Variants in MAF observed in about 807,000 individuals in gnomAD.
The protein encoded by MAF is transcription factor Maf.
Under a neutral mutation model 22.0 loss-of-function variants are expected in MAF, and 10 were observed. The observed-to-expected ratio is 0.45, with a 90% CI of 0.28 to 0.77. MAF has a LOEUF of 0.77. MAF is among the 30% of genes least tolerant of loss of function. The pLI is 0.12. For synonymous variants in MAF, 337 were observed against 255.8 expected, an observed-to-expected ratio of 1.32 and a Z score of -3.03; for missense variants, 544 against 548.4, an observed-to-expected ratio of 0.99 and a Z score of 0.08.
chr16:79,232,453 A>G, the MAF span, among the ~76,000 whole-genome samples: 1 of 152,024 alleles, frequency 6.6e-6, no homozygotes, highest in Non-Finnish European at 1.5e-5. Context: ...TGACTCGACA[A>G]TTTCTCTTTT....
the MAF span, among the ~76,000 whole-genome samples, chr16:79,428,931 A>C: frequency 3.9e-5 from 6 of 152,108 alleles, no homozygotes; most frequent in Non-Finnish European, 5.9e-5. Context: ...GCATAGCTGC[A>C]ATTACAAAAG....
the MAF span, among the ~76,000 whole-genome samples, chr16:79,243,593 A>C: frequency 6.6e-6 from 1 of 152,020 alleles, no homozygotes; most frequent in African/African-American, 2.4e-5. Context: ...CAACGAAAAA[A>C]AGTCTAGGAC....
chr16:79,476,212 G>C, the MAF span, among the ~76,000 whole-genome samples: 4 of 152,168 alleles, frequency 2.6e-5, no homozygotes, highest in African/African-American at 4.8e-5. Context: ...CCTGGAGCCA[G>C]AGATGAGACC....
At chr16:79,374,397 C>T in the MAF span, among the ~76,000 whole-genome samples, 1 of 152,188 alleles carries the variant, frequency 6.6e-6, no homozygotes, top group Non-Finnish European at 1.5e-5. Flanking sequence ...TATTTGCTTT[C>T]TCTTCTCCAA....
the MAF span, among the ~76,000 whole-genome samples, chr16:79,284,933 C>T: frequency 2.6e-5 from 4 of 152,168 alleles, no homozygotes; most frequent in South Asian, 2.1e-4. Flanking sequence ...TGGATTTCCA[C>T]GAAGGCACGC....
At chr16:79,211,276 C>G in the MAF span, among the ~76,000 whole-genome samples, 3 of 152,110 alleles carry the variant, frequency 2.0e-5, no homozygotes, top group Admixed American at 2.0e-4. Context: ...TGTTCTTGCA[C>G]GTTCAGAAGG....
the MAF span, among the ~76,000 whole-genome samples, chr16:79,258,648 G>C: frequency 6.6e-6 from 1 of 152,198 alleles, no homozygotes; most frequent in Non-Finnish European, 1.5e-5. Flanking sequence ...GAAGGAACAA[G>C]GGGCCACCTG....
chr16:79,254,107 T>A, the MAF span, among the ~76,000 whole-genome samples: 1 of 152,132 alleles, frequency 6.6e-6, no homozygotes, highest in Non-Finnish European at 1.5e-5. Flanking sequence ...ACATTTACAT[T>A]GTAAAAGTAA....
the MAF span, among the ~76,000 whole-genome samples, chr16:79,225,167 T>G: frequency 6.6e-6 from 1 of 152,098 alleles, no homozygotes; most frequent in Admixed American, 6.6e-5. Context: ...AACAGATATA[T>G]AGATTAATGG....
chr16:79,586,356 C>A (rs1246854314), intron 1 of MAF, among the ~76,000 whole-genome samples: 2 of 152,250 alleles, frequency 1.3e-5, no homozygotes, highest in African/African-American at 2.4e-5. Flanking sequence ...CCTGGGAGAA[C>A]CACACTGGCC....
At chr16:79,595,456 C>G in intron 1 of MAF, 3 of 1,057,416 alleles carry the variant, frequency 2.8e-6, no homozygotes, top group Non-Finnish European at 3.4e-6. Context: ...CAAAAGTCAT[C>G]GTGTTTGGCT....
chr16:79,452,934 A>G, the MAF span, among the ~76,000 whole-genome samples: 1 of 152,320 alleles, frequency 6.6e-6, no homozygotes, highest in East Asian at 1.9e-4. Flanking sequence ...CTGTTATATG[A>G]GCGAGGAATT....
chr16:79,487,379 G>C, the MAF span, among the ~76,000 whole-genome samples: 1 of 152,250 alleles, frequency 6.6e-6, no homozygotes, highest in Non-Finnish European at 1.5e-5. Flanking sequence ...TTTGATCTGA[G>C]TGGTGGATAT....
chr16:79,481,211 C>T, the MAF span, among the ~76,000 whole-genome samples: 1 of 144,290 alleles, frequency 6.9e-6, no homozygotes, highest in Non-Finnish European at 1.5e-5. Context: ...CACTCCTTTA[C>T]TCTTTGTTCT....
the MAF span, among the ~76,000 whole-genome samples, chr16:79,507,114 CT>C: frequency 0.67 from 76,867 of 114,928 alleles, 23,675 homozygotes; most frequent in East Asian, 0.8. Flanking sequence ...TTTTCTGCGT[CT>C]TTTTTTTTTT....
chr16:79,587,285 A>G (rs1409584616), intron 1 of MAF, among the ~76,000 whole-genome samples: 2 of 152,148 alleles, frequency 1.3e-5, no homozygotes, highest in East Asian at 1.9e-4. Flanking sequence ...TGCCAAATAT[A>G]TAATTTCTAT....
At chr16:79,252,354 G>A in the MAF span, among the ~76,000 whole-genome samples, 1 of 149,776 alleles carries the variant, frequency 6.7e-6, no homozygotes, top group Non-Finnish European at 1.5e-5. Flanking sequence ...CTTTTTGTGT[G>A]TCACAAAATA....
the MAF span, among the ~76,000 whole-genome samples, chr16:79,267,164 G>T: frequency 6.6e-6 from 1 of 152,240 alleles, no homozygotes; most frequent in Non-Finnish European, 1.5e-5. Context: ...TTTTGCTGAA[G>T]TTACAGGTCA....
the MAF span, among the ~76,000 whole-genome samples, chr16:79,356,457 A>G: frequency 6.6e-6 from 1 of 151,956 alleles, no homozygotes; most frequent in African/African-American, 2.4e-5. Flanking sequence ...GCCTAATATC[A>G]AGCATGCTTG....
Sources: allele counts gnomAD v4.1 joint callset (sites outside exome capture counted in the v4.1 genomes callset), GRCh38; gene constraint gnomAD v4.1.1; transcripts MANE v1.5; gene names NCBI Gene and HGNC (gene_info 2026-07-23, HGNC 2026-07-21).